Variants in PLA2G12A observed in about 807,000 individuals in gnomAD.
PLA2G12A encodes group XIIA secretory phospholipase A2.
Under a neutral mutation model 16.0 loss-of-function variants are expected in PLA2G12A, and 11 were observed. The observed-to-expected ratio is 0.69, with a 90% CI of 0.43 to 1.13. The LOEUF is 1.13. PLA2G12A is among the 50% of genes most tolerant of loss of function. PLA2G12A has a pLI of 0.00. For synonymous variants in PLA2G12A, 77 were observed against 93.8 expected (o/e 0.82, Z 1.03); for missense variants, 214 against 237.3 (o/e 0.90, Z 0.65).
At chr4:109,729,571 G>A (rs778234010) in intron 1 of PLA2G12A, 31 bp downstream of exon 1, 9 of 1,594,132 alleles carry the variant, frequency 5.6e-6, no homozygotes, top group Admixed American at 1.7e-5. Flanking sequence ...CCGAAAGCAC[G>A]AGCCCTCGCT....
chr4:109,726,575 T>A (rs1207335646), intron 1 of PLA2G12A, among the ~76,000 whole-genome samples: 2 of 152,194 alleles, frequency 1.3e-5, no homozygotes, highest in African/African-American at 4.8e-5. Flanking sequence ...CCTTGACCCC[T>A]TCTGTTCTCA....
In PLA2G12A at chr4:109,712,250, G is replaced by A. The variant is rs1028903625; in HGVS notation, c.*2127C>T. 6.6e-6 allele frequency: 1 copy of A among 152,146 alleles called. No individual in the cohort carries two copies. Among genetic ancestry groups the A allele is most frequent in the Non-Finnish European group, 1.5e-5 (1 of 68,026 alleles). The allele number at this position is 152,146 out of a possible 1,614,324, so 9.4% of individuals were successfully genotyped here. ...ATAAAAGGTTAACACTGGGGGAACTGGGTGAGTGGTCACAGAAGCTCTCCA... is the reference window on the plus strand; with the variant it reads ...ATAAAAGGTTAACACTGGGGGAACTAGGTGAGTGGTCACAGAAGCTCTCCA... On this transcript the variant is annotated 3_prime_UTR_variant, in exon 4 of 4. Transcript: ENST00000243501.
chr4:109,714,108 G>C lies in PLA2G12A; in HGVS notation c.*269C>G. 1 of 343,826 alleles carries C rather than the reference G, an allele frequency of 2.9e-6. No individual in the cohort carries two copies. Among genetic ancestry groups the C allele is most frequent in the Non-Finnish European group, 5.3e-6 (1 of 186,946 alleles). The allele number at this position is 343,826 out of a possible 1,614,324, so 21.3% of individuals were successfully genotyped here. A position where few individuals can be genotyped will look rare whatever the true frequency, so the allele number is the denominator to read the frequency against. ...CTTTTCAAAATTCTCCGCTAAACAAGCACTTGTTTTTGATATTGGTCAAGA... is the reference window on the plus strand; with the variant it reads ...CTTTTCAAAATTCTCCGCTAAACAACCACTTGTTTTTGATATTGGTCAAGA... On this transcript the variant is annotated 3_prime_UTR_variant, in exon 4 of 4. Transcript: ENST00000243501.
At chr4:109,715,825 C>A (rs1248958125) in intron 3 of PLA2G12A, among the ~76,000 whole-genome samples, 2 of 152,166 alleles carry the variant, frequency 1.3e-5, no homozygotes, top group Admixed American at 6.6e-5. Context: ...AATTTATTTA[C>A]TTTTCTTATT....
At chr4:109,724,176 A>C (rs1437459304) in intron 1 of PLA2G12A, among the ~76,000 whole-genome samples, 1 of 152,166 alleles carries the variant, frequency 6.6e-6, no homozygotes, top group Non-Finnish European at 1.5e-5. Context: ...CCCAGGCTGG[A>C]GTGCAATGGC....
Position 109,729,940 on chromosome 4 carries a change from T to G in PLA2G12A, c.-131A>C. 2.8e-6 allele frequency: 2 copies of G among 720,266 alleles called. No individual in the cohort carries two copies. The highest frequency in any genetic ancestry group is 4.3e-6 in the Non-Finnish European group (2 of 465,860). 44.6% of individuals were successfully genotyped at this position (720,266 alleles called of 1,614,324 possible). The stretch of plus-strand genomic sequence containing the variant: ...CAGCCAGCTCCATATCCACGCCTCC[T>G]TCCCGGCTGGCCCTCAGGATCTCGC... On this transcript the variant is annotated 5_prime_UTR_variant, in exon 1 of 4. Coordinates refer to ENST00000243501, the MANE Select transcript of PLA2G12A (RefSeq NM_030821.5).
rs79011070 is a variant in PLA2G12A, at chr4:109,713,807, T to G, written c.*570A>C. ...ACCTTGTCCTTGTAAGTAGTCCTAATAGAAATGTGACTTACTCATATGCTC... is the reference window on the plus strand; with the variant it reads ...ACCTTGTCCTTGTAAGTAGTCCTAAGAGAAATGTGACTTACTCATATGCTC... On this transcript the variant is annotated 3_prime_UTR_variant, in exon 4 of 4. Coordinates refer to ENST00000243501, the MANE Select transcript of PLA2G12A (RefSeq NM_030821.5). 1 of 152,876 alleles carries G rather than the reference T, an allele frequency of 6.5e-6. No individual in the cohort carries two copies. The highest frequency in any genetic ancestry group is 2.4e-5 in the African/African-American group (1 of 41,452). The allele number at this position is 152,876 out of a possible 1,614,324, so 9.5% of individuals were successfully genotyped here.
intron 1 of PLA2G12A, among the ~76,000 whole-genome samples, chr4:109,723,553 A>G (rs1300650010): frequency 6.6e-6 from 1 of 152,248 alleles, no homozygotes; most frequent in African/African-American, 2.4e-5. Flanking sequence ...CTATACATTT[A>G]TCTATAGTTT....
rs67674001 is a variant in PLA2G12A at position 109,711,053 on chromosome 4, C to CTTTTTTTTTTTTTTTTTTTTTTTTTT, written c.*3323_*3324insAAAAAAAAAAAAAAAAAAAAAAAAAA. On this transcript the variant is annotated 3_prime_UTR_variant, in exon 4 of 4. Coordinates refer to ENST00000243501, the MANE Select transcript of PLA2G12A (RefSeq NM_030821.5). ...AGAGCTGCTGACAGTTAGTTCTTGC[C>CTTTTTTTTTTTTTTTTTTTTTTTTTT]TTTTTTTTTTTTTTTTTTTTTTTGC... 7.0e-5 allele frequency: 4 copies of CTTTTTTTTTTTTTTTTTTTTTTTTTT among 57,238 alleles called. No homozygotes were observed. The highest frequency in any genetic ancestry group is 9.3e-5 in the Non-Finnish European group (3 of 32,246). 3.5% of individuals were successfully genotyped at this position (57,238 alleles called of 1,614,324 possible). A position where few individuals can be genotyped will look rare whatever the true frequency, so the allele number is the denominator to read the frequency against.
At chr4:109,729,578 C>A in intron 1 of PLA2G12A, 24 bp downstream of exon 1, 1 of 1,599,494 alleles carries the variant, frequency 6.3e-7, no homozygotes, top group Non-Finnish European at 8.5e-7. Flanking sequence ...CACGAGCCCT[C>A]GCTGGGCCCG....
In PLA2G12A at chr4:109,714,492, C is replaced by T; in HGVS notation, c.455G>A (p.Cys152Tyr). ...AAACAAGAGCTCCACTGTTGTTTCA[C>T]ATGCTGCAAAACAAGAAAATGGGAT... ...TLGLTQHVQA[C>Y]ETTVELLFDS... Residue 152 changes from cysteine (C) to tyrosine (Y), a missense_variant, in exon 4 of 4, where the codon TGT becomes TAT. Transcript: ENST00000243501. The T allele has an allele frequency of 6.2e-7, 1 of 1,607,398 alleles. No homozygotes were observed. The highest frequency in any genetic ancestry group is 1.1e-5 in the South Asian group (1 of 90,964).
intron 1 of PLA2G12A, among the ~76,000 whole-genome samples, chr4:109,720,324 T>G (rs1730899767): frequency 6.6e-6 from 1 of 152,018 alleles, no homozygotes; most frequent in African/African-American, 2.4e-5. Context: ...TTCCGCCAAT[T>G]TTCATTTAAC....
chr4:109,720,381 A>G (rs1278762219), intron 1 of PLA2G12A, among the ~76,000 whole-genome samples: 1 of 151,712 alleles, frequency 6.6e-6, no homozygotes, highest in East Asian at 1.9e-4. Context: ...CCAAAAATAA[A>G]TTGAGGGTAA....
intron 3 of PLA2G12A, among the ~76,000 whole-genome samples, chr4:109,716,673 C>G (rs1730833989): frequency 6.6e-6 from 1 of 152,116 alleles, no homozygotes; most frequent in Non-Finnish European, 1.5e-5. Flanking sequence ...GGCCCTTTCC[C>G]TTTGCTAGTT....
chr4:109,715,198 T>C (rs1464576096), intron 3 of PLA2G12A, among the ~76,000 whole-genome samples: 1 of 152,220 alleles, frequency 6.6e-6, no homozygotes, highest in Non-Finnish European at 1.5e-5. Flanking sequence ...AAAAACATAA[T>C]CACTAACAGA....
At chr4:109,729,456 G>C (rs1295529631) in intron 1 of PLA2G12A, 146 bp downstream of exon 1, 1 of 846,710 alleles carries the variant, frequency 1.2e-6, no homozygotes, top group Non-Finnish European at 1.8e-6. Context: ...CACTAGAACG[G>C]CAAGATTCTA....
At chr4:109,727,426 T>C (rs1216551881) in intron 1 of PLA2G12A, among the ~76,000 whole-genome samples, 1 of 152,056 alleles carries the variant, frequency 6.6e-6, no homozygotes, top group Non-Finnish European at 1.5e-5. Flanking sequence ...TTTTTTTTCA[T>C]TGAGATCCAA....
rs1561268629 is a variant in PLA2G12A at position 109,711,052 on chromosome 4, C to CTTTTTTTTT, written c.*3324_*3325insAAAAAAAAA. ...AAGAGCTGCTGACAGTTAGTTCTTG[C>CTTTTTTTTT]CTTTTTTTTTTTTTTTTTTTTTTTG... On this transcript the variant is annotated 3_prime_UTR_variant, in exon 4 of 4. Transcript: ENST00000243501. 1 of 97,404 alleles carries CTTTTTTTTT rather than the reference C, an allele frequency of 1.0e-5. No individual in the cohort carries two copies. Among genetic ancestry groups the CTTTTTTTTT allele is most frequent in the Non-Finnish European group, 2.0e-5 (1 of 50,846 alleles). 6.0% of individuals were successfully genotyped at this position (97,404 alleles called of 1,614,324 possible).
intron 1 of PLA2G12A, among the ~76,000 whole-genome samples, chr4:109,728,319 T>C (rs1722979302): frequency 6.6e-6 from 1 of 152,256 alleles, no homozygotes; most frequent in Non-Finnish European, 1.5e-5. Context: ...TATTAACTGC[T>C]GAATCTCAAA....
Sources: gnomAD v4.1 joint callset for allele counts (sites outside exome capture counted in the v4.1 genomes callset) on GRCh38, gnomAD v4.1.1 for gene constraint, MANE v1.5 for transcripts, NCBI Gene and HGNC (gene_info 2026-07-23, HGNC 2026-07-21) for gene names.